ZNF236: variants seen among roughly 807,000 people sequenced by gnomAD.
ZNF236 encodes zinc finger protein 236.
In ZNF236, 50 loss-of-function variants were observed where a neutral mutation model predicts 191.2. That is an observed-to-expected ratio of 0.26 (90% confidence interval 0.21 to 0.33). The LOEUF (loss-of-function observed/expected upper bound fraction) is 0.33, where lower values mean the gene tolerates loss of function less well. Ranked by LOEUF, ZNF236 falls within the 10% of genes least tolerant of loss-of-function variation. The pLI, the probability that ZNF236 is intolerant of heterozygous loss-of-function variation, is 1.00. For synonymous variants in ZNF236, 907 were observed against 928.8 expected, an observed-to-expected ratio of 0.98 and a Z score of 0.43; for missense variants, 1,754 against 2,374.5, an observed-to-expected ratio of 0.74 and a Z score of 5.43.
intron 1 of ZNF236, among the ~76,000 whole-genome samples, chr18:76,828,252 C>T (rs4890827): frequency 0.18 from 27,958 of 151,688 alleles, 2,772 homozygotes; most frequent in East Asian, 0.37. Flanking sequence ...CTGCAACCTC[C>T]GCCTCCCAGG....
Position 76,851,851 on chromosome 18 carries a change from G to A in ZNF236, c.275G>A (p.Gly92Glu). Residue 92 changes from glycine to glutamate, a missense_variant, in exon 3 of 31, where the codon GGG (glycine) becomes GAG (glutamate). This residue lies in a region of ZNF236 where 336 missense variants were observed against 495.1 expected (regional missense o/e 0.68). Coordinates refer to ENST00000320610, the MANE Select transcript of ZNF236 (RefSeq NM_001306089.2). Reference protein sequence around the residue: ...NLTLHKCTHSGEDPTCPVCNK... With the variant: ...NLTLHKCTHSEEDPTCPVCNK... ...ACACTTCATAAATGCACCCACAGCG[G>A]GGAAGATCCTACCTGCCCTGTGTGT... is the stretch of plus-strand genomic sequence containing the variant. The A allele has an allele frequency of 6.2e-7, 1 of 1,614,058 alleles. No homozygotes were observed. Among genetic ancestry groups the A allele is most frequent in the Non-Finnish European group, 8.5e-7 (1 of 1,179,978 alleles).
chr18:76,876,261 G>A (rs117256718), intron 6 of ZNF236, among the ~76,000 whole-genome samples: 2,328 of 152,200 alleles, frequency 0.015, 26 homozygotes, highest in Middle Eastern at 0.02. Flanking sequence ...ACTAACCATC[G>A]TGACTTATTG....
intron 1 of ZNF236, among the ~76,000 whole-genome samples, chr18:76,836,897 A>G (rs1316815957): frequency 6.6e-6 from 1 of 150,822 alleles, no homozygotes; most frequent in Non-Finnish European, 1.5e-5. Context: ...TTTTTTTGAG[A>G]CACAGTCTTG....
intron 25 of ZNF236, among the ~76,000 whole-genome samples, chr18:76,928,970 C>A (rs535298481): frequency 6.7e-6 from 1 of 149,704 alleles, no homozygotes; most frequent in Admixed American, 6.7e-5. Context: ...AGACATTTTG[C>A]TAGGAATCAA....
In ZNF236 at chr18:76,956,156, G is replaced by A. The variant is rs1264945040; in HGVS notation, c.5086G>A (p.Ala1696Thr). 1 of 1,555,460 alleles carries A rather than the reference G, an allele frequency of 6.4e-7. No individual in the cohort carries two copies. The highest frequency in any genetic ancestry group is 8.7e-7 in the Non-Finnish European group (1 of 1,151,614). Residue 1696 changes from alanine to threonine, a missense_variant, in exon 28 of 31, where the codon GCC (alanine) becomes ACC (threonine). Physicochemically the swap from Ala to Thr is moderately conservative, Grantham distance 58 (BLOSUM62 0). This residue lies in a region of ZNF236 where 606 missense variants were observed against 761.5 expected (regional missense o/e 0.80). Coordinates refer to ENST00000320610, the MANE Select transcript of ZNF236 (RefSeq NM_001306089.2). ...RIHGCPVCRK[A>T]FKRATHLKEH... Reference sequence around the variant, plus strand: ...CCACGGCTGCCCCGTGTGCAGGAAGGCCTTCAAGCGCGCCACGCACCTCAA... The same window carrying A: ...CCACGGCTGCCCCGTGTGCAGGAAGACCTTCAAGCGCGCCACGCACCTCAA...
chr18:76,861,351 G>A (rs1976216441), intron 3 of ZNF236, among the ~76,000 whole-genome samples: 1 of 152,118 alleles, frequency 6.6e-6, no homozygotes, highest in African/African-American at 2.4e-5. Context: ...GGAGGAAGGT[G>A]CACTGCTTCT....
intron 1 of ZNF236, among the ~76,000 whole-genome samples, chr18:76,835,606 A>G (rs1174595162): frequency 2.6e-5 from 4 of 152,112 alleles, no homozygotes; most frequent in African/African-American, 9.7e-5. Context: ...GTACACCTGC[A>G]CCATGACTGC....
At chr18:76,877,499 A>C (rs2122631527) in intron 6 of ZNF236, among the ~76,000 whole-genome samples, 1 of 145,690 alleles carries the variant, frequency 6.9e-6, no homozygotes, top group South Asian at 2.2e-4. Flanking sequence ...AGAGCATCTC[A>C]AAAAAAAAAA....
intron 10 of ZNF236, 83 bp downstream of exon 10, chr18:76,895,368 T>TGGCACACAGTA: frequency 6.5e-7 from 1 of 1,542,756 alleles, no homozygotes; most frequent in Non-Finnish European, 8.8e-7. Context: ...AACACAGGTA[T>TGGCACACAGTA]GGCACACAGT....
chr18:76,828,062 CTT>C (rs1422352268), intron 1 of ZNF236, among the ~76,000 whole-genome samples: 1 of 151,976 alleles, frequency 6.6e-6, no homozygotes, highest in Non-Finnish European at 1.5e-5. Flanking sequence ...ATAAACAAGT[CTT>C]TTCCTGATTA....
chr18:76,865,683 A>C (rs557436952), intron 3 of ZNF236, among the ~76,000 whole-genome samples: 1 of 152,324 alleles, frequency 6.6e-6, no homozygotes. Flanking sequence ...GCACCAGTGC[A>C]GGGTCCCCTG....
chr18:76,900,469 A>G (rs1352880063), intron 11 of ZNF236, among the ~76,000 whole-genome samples: 3 of 152,242 alleles, frequency 2.0e-5, no homozygotes, highest in South Asian at 4.1e-4. Context: ...TTAAATATGC[A>G]TGAAACAGAA....
chr18:76,844,522 A>G (rs985627209), intron 1 of ZNF236, among the ~76,000 whole-genome samples: 1 of 152,204 alleles, frequency 6.6e-6, no homozygotes, highest in African/African-American at 2.4e-5. Context: ...AAATGTAAAA[A>G]CAAAAACATA....
At chr18:76,902,743 G>T (rs561600057) in intron 11 of ZNF236, among the ~76,000 whole-genome samples, 1 of 148,400 alleles carries the variant, frequency 6.7e-6, no homozygotes, top group Admixed American at 6.7e-5. Flanking sequence ...GGTAATTTTT[G>T]TATTTTTTGT....
chr18:76,871,910 T>G, intron 5 of ZNF236, 85 bp downstream of exon 5: 1 of 1,509,390 alleles, frequency 6.6e-7, no homozygotes, highest in Non-Finnish European at 9.1e-7. Flanking sequence ...ACTTGGAATC[T>G]GATCCCAGCT....
Position 76,969,122 on chromosome 18 carries a change from C to A in ZNF236, c.*783C>A. 2 of 385,816 alleles carry A rather than the reference C, an allele frequency of 5.2e-6. No homozygotes were observed. Among genetic ancestry groups the A allele is most frequent in the Non-Finnish European group, 7.1e-6 (2 of 281,078 alleles). The allele number at this position is 385,816 out of a possible 1,614,324, so 23.9% of individuals were successfully genotyped here. A position where few individuals can be genotyped will look rare whatever the true frequency, so the allele number is the denominator to read the frequency against. On this transcript the variant is annotated 3_prime_UTR_variant, in exon 31 of 31. Coordinates refer to ENST00000320610, the MANE Select transcript of ZNF236 (RefSeq NM_001306089.2). ...CAAGCCATACATCGCAGGTAGGAAA[C>A]CACAGAACCGTCTGCAAGGAGCAAG...
At chr18:76,834,885 T>C (rs1975275969) in intron 1 of ZNF236, 1 of 334,106 alleles carries the variant, frequency 3.0e-6, no homozygotes, top group South Asian at 2.7e-5. Context: ...GGATTGAACT[T>C]CATTTGGGCT....
At position 76,913,816 on chromosome 18, in the gene ZNF236, G is replaced by T. The variant is rs1340025938; in HGVS notation, c.2979G>T (p.Gly993=). 4.3e-6 allele frequency: 7 copies of T among 1,614,232 alleles called. No homozygotes were observed. ...HLKQHVRSHT[G]EKPYKCKLCG... is the part of the protein sequence containing the mutation. ...AGCAGCATGTGCGGTCGCACACCGG[G>T]GAAAAGCCCTACAAGTGCAAGCTCT... is the stretch of plus-strand genomic sequence containing the variant. The change falls in exon 18 of 31, where the codon GGG becomes GGT. Residue 993 remains glycine (G), a synonymous_variant. Transcript: ENST00000320610.
chr18:76,913,896 C>T lies in ZNF236; in HGVS notation c.3059C>T (p.Thr1020Ile). ...GVLKSHEKTH[T>I]GVKAFSCSVC... ...CTCAAGTCCCACGAGAAGACACACACAGGTCACTGTCTGCCTTATACTTGG... is the reference window on the plus strand; with the variant it reads ...CTCAAGTCCCACGAGAAGACACACATAGGTCACTGTCTGCCTTATACTTGG... Residue 1020 changes from threonine (T) to isoleucine (I), a missense_variant and splice_region_variant, in exon 18 of 31, where the codon ACA becomes ATA. This residue lies in a region of ZNF236 where 641 missense variants were observed against 869.6 expected (regional missense o/e 0.74). Transcript: ENST00000320610. The T allele has an allele frequency of 1.2e-6, 2 of 1,614,166 alleles. No homozygotes were observed. The highest frequency in any genetic ancestry group is 1.7e-6 in the Non-Finnish European group (2 of 1,180,026).
Sources: gnomAD v4.1 joint callset for allele counts (sites outside exome capture counted in the v4.1 genomes callset) on GRCh38, gnomAD v4.1.1 for gene constraint, gnomAD v4.1.1 regional missense constraint, MANE v1.5 for transcripts, NCBI Gene and HGNC (gene_info 2026-07-23, HGNC 2026-07-21) for gene names.